The following SUFU variants were observed in gnomAD, a reference collection of about 807,000 sequenced individuals.
SUFU encodes suppressor of fused homolog.
SUFU carries 7 observed loss-of-function variants against 58.9 expected under a neutral mutation model. That is an observed-to-expected ratio of 0.12 (90% CI 0.07 to 0.22). The LOEUF is 0.22. Ranked by LOEUF, SUFU falls within the 10% of genes least tolerant of loss-of-function variation. The pLI is 1.00. For missense variants in SUFU, 451 were observed against 641.3 expected, an observed-to-expected ratio of 0.70 and a Z score of 3.20; for synonymous variants, 232 against 254.8, an observed-to-expected ratio of 0.91 and a Z score of 0.85.
intron 3 of SUFU, among the ~76,000 whole-genome samples, chr10:102,583,753 C>T (rs1045139301): frequency 2.0e-5 from 3 of 151,660 alleles, no homozygotes; most frequent in Non-Finnish European, 4.4e-5. Context: ...ATGTGCACAA[C>T]GTGCAGGTTT....
intron 3 of SUFU, among the ~76,000 whole-genome samples, chr10:102,569,281 A>T (rs1202449754): frequency 2.0e-5 from 3 of 151,996 alleles, no homozygotes; most frequent in Admixed American, 1.3e-4. Context: ...CTGTGTTCTC[A>T]CCTGTAGTCA....
chr10:102,568,890 AAAAAAAAATATATATAT>A (rs2063123006), intron 3 of SUFU, among the ~76,000 whole-genome samples: 1 of 44,206 alleles, frequency 2.3e-5, no homozygotes, highest in Non-Finnish European at 4.0e-5. Context: ...AAAAAAAAAA[AAAAAAAAATATATATAT>A]ATATATATAT....
intron 2 of SUFU, among the ~76,000 whole-genome samples, chr10:102,531,609 G>A (rs1044316742): frequency 1.3e-5 from 2 of 152,182 alleles, no homozygotes; most frequent in Admixed American, 1.3e-4. Context: ...ATGGAGGTTT[G>A]CACAGGGGTA....
At chr10:102,563,602 G>A (rs2063060324) in intron 3 of SUFU, among the ~76,000 whole-genome samples, 2 of 151,962 alleles carry the variant, frequency 1.3e-5, no homozygotes, top group Non-Finnish European at 2.9e-5. Context: ...AGTCCGGGAG[G>A]TTGAGGCTGC....
chr10:102,619,007 G>A lies in SUFU; in HGVS notation c.1296+1579G>A, dbSNP rs1378018029. Reference sequence around the variant, plus strand: ...TGTTCAAGCACGTTTTCCTGGGACAGTCGGGACTGGGGCCTCCCCAAACTG... The same window carrying A: ...TGTTCAAGCACGTTTTCCTGGGACAATCGGGACTGGGGCCTCCCCAAACTG... On this transcript the variant is annotated intron_variant, in intron 10 of 11. Transcript: ENST00000369902. This position sits in a 1 kb window ranked among gnomAD's most constrained non-coding sequence, Gnocchi z 4.2. 18 of 1,544,096 alleles carry A rather than the reference G, an allele frequency of 1.2e-5. No individual in the cohort carries two copies. Among genetic ancestry groups the A allele is most frequent in the Non-Finnish European group, 1.5e-5 (17 of 1,121,758 alleles).
chr10:102,585,623 C>G (rs2063327893), intron 3 of SUFU, among the ~76,000 whole-genome samples: 1 of 152,164 alleles, frequency 6.6e-6, no homozygotes, highest in Non-Finnish European at 1.5e-5. Flanking sequence ...CCTCCCACTT[C>G]AACCTCCCGA....
At position 102,580,029 on chromosome 10, in the gene SUFU, A is replaced by ACCCCC. The variant is rs71474507; in HGVS notation, c.455-12547_455-12543dup. Among the ~76,000 whole-genome samples the ACCCCC allele has an allele frequency of 7.1e-3, 597 of 84,294 alleles. 1 individual carries two copies. Among genetic ancestry groups the ACCCCC allele is most frequent in the Middle Eastern group, 0.017 (2 of 118 alleles). The allele number at this position is 84,294 out of a possible 152,430, so 55.3% of individuals were successfully genotyped here. A position where few individuals can be genotyped will look rare whatever the true frequency, so the allele number is the denominator to read the frequency against. On this transcript the variant is annotated intron_variant, in intron 3 of 11. Transcript: ENST00000369902. The stretch of plus-strand genomic sequence containing the variant: ...ATCTGTTTTGGGTCTCCTCCCCCGC[A>ACCCCC]CCCCCCCCCCGCCCCCAGTTTGTTT...
chr10:102,567,246 C>T (rs546764375), intron 3 of SUFU, among the ~76,000 whole-genome samples: 4 of 151,704 alleles, frequency 2.6e-5, no homozygotes, highest in African/African-American at 7.2e-5. Flanking sequence ...CTCCTGACCT[C>T]GTGATCCGCC....
chr10:102,568,895 A>AAAAAAAAAT (rs2063124823), intron 3 of SUFU, among the ~76,000 whole-genome samples: 1 of 23,854 alleles, frequency 4.2e-5, no homozygotes, highest in African/African-American at 2.4e-4. Flanking sequence ...AAAAAAAAAA[A>AAAAAAAAAT]AAATATATAT....
In SUFU at chr10:102,631,933, C is replaced by T; in HGVS notation, c.*1778C>T. ...TGTCGGCAGCTGTGCCTCTACTGCCCTGAGGACTTACCAGAGGGAGCCCTA... is the reference window on the plus strand; with the variant it reads ...TGTCGGCAGCTGTGCCTCTACTGCCTTGAGGACTTACCAGAGGGAGCCCTA... On this transcript the variant is annotated 3_prime_UTR_variant, in exon 12 of 12. Coordinates refer to ENST00000369902, the MANE Select transcript of SUFU (RefSeq NM_016169.4). 4.3e-6 allele frequency: 1 copy of T among 233,370 alleles called. No homozygotes were observed. The highest frequency in any genetic ancestry group is 8.5e-6 in the Non-Finnish European group (1 of 118,084). 14.5% of individuals were successfully genotyped at this position (233,370 alleles called of 1,614,324 possible).
chr10:102,615,280 C>G lies in SUFU; in HGVS notation c.1035C>G (p.Asp345Glu). Residue 345 changes from aspartate (D) to glutamate (E), a missense_variant, in exon 9 of 12, where the codon GAC becomes GAG. Transcript: ENST00000369902. ...GCTTGCTTCACAGGAGCCGCAAAGA[C>G]AGCCTGGAAAGTGACAGCTCCACGG... ...LAHDRAPSRK[D>E]SLESDSSTAI... The G allele has an allele frequency of 6.2e-7, 1 of 1,614,194 alleles. No homozygotes were observed. The highest frequency in any genetic ancestry group is 8.5e-7 in the Non-Finnish European group (1 of 1,180,040).
At chr10:102,627,541 G>T (rs1204670452) in intron 11 of SUFU, among the ~76,000 whole-genome samples, 1 of 152,252 alleles carries the variant, frequency 6.6e-6, no homozygotes. Flanking sequence ...CCTCATTGAA[G>T]AGGAAGCCAG....
chr10:102,630,557 G>A lies in SUFU; in HGVS notation c.*402G>A. ...AGGCGGACAGCCAGATGCAGAGCGA[G>A]TGGATGCACTTCCCAGCTCATCTCT... On this transcript the variant is annotated 3_prime_UTR_variant, in exon 12 of 12. Transcript: ENST00000369902. 2 of 383,046 alleles carry A rather than the reference G, an allele frequency of 5.2e-6. No individual in the cohort carries two copies. The highest frequency in any genetic ancestry group is 4.2e-5 in the East Asian group (1 of 23,954). 23.7% of individuals were successfully genotyped at this position (383,046 alleles called of 1,614,324 possible). A position where few individuals can be genotyped will look rare whatever the true frequency, so the allele number is the denominator to read the frequency against.
At position 102,613,113 on chromosome 10, in the gene SUFU, C is replaced by T. The variant is rs545947636; in HGVS notation, c.1023-2155C>T. ...AGAGTTGGTCGGAAGTCTGAGGCTT[C>T]GATCAGAAGTCTGACGCACGGTGAG... is the stretch of plus-strand genomic sequence containing the variant. On this transcript the variant is annotated intron_variant, in intron 8 of 11. Transcript: ENST00000369902. Among the ~76,000 whole-genome samples, 281 of 152,222 alleles carry T rather than the reference C, an allele frequency of 1.8e-3. 2 individuals are homozygous for T. Among genetic ancestry groups the T allele is most frequent in the African/African-American group, 6.7e-3 (277 of 41,528 alleles).
chr10:102,570,017 TG>T (rs1302589040), intron 3 of SUFU, among the ~76,000 whole-genome samples: 1 of 152,230 alleles, frequency 6.6e-6, no homozygotes, highest in Non-Finnish European at 1.5e-5. Context: ...TTTGACTTTT[TG>T]TTACTCAGAA....
intron 3 of SUFU, among the ~76,000 whole-genome samples, chr10:102,584,229 C>T (rs897917002): frequency 1.3e-5 from 2 of 152,174 alleles, no homozygotes; most frequent in Admixed American, 6.5e-5. Context: ...TTCCCAACTC[C>T]GAAGTTCACC....
At position 102,632,584 on chromosome 10, in the gene SUFU, A is replaced by G; in HGVS notation, c.*2429A>G. On this transcript the variant is annotated 3_prime_UTR_variant, in exon 12 of 12. Transcript: ENST00000369902. ...GCCAAGCTGACCTTGGACCCTGTCC[A>G]GCACAGCTTCTGGCACAGGATGCTT... 4.3e-6 allele frequency: 1 copy of G among 233,378 alleles called. No individual in the cohort carries two copies. Among genetic ancestry groups the G allele is most frequent in the East Asian group, 6.0e-5 (1 of 16,590 alleles). 14.5% of individuals were successfully genotyped at this position (233,378 alleles called of 1,614,324 possible).
chr10:102,572,967 C>G (rs2063177507), intron 3 of SUFU: 6 of 1,314,554 alleles, frequency 4.6e-6, no homozygotes, highest in Non-Finnish European at 4.3e-6. Context: ...CTATCTTCTT[C>G]ATGGCAGACT....
chr10:102,506,969 C>G lies in SUFU; in HGVS notation c.183-2200C>G, dbSNP rs2062335489. On this transcript the variant is annotated intron_variant, in intron 1 of 11. Coordinates refer to ENST00000369902, the MANE Select transcript of SUFU (RefSeq NM_016169.4). Reference sequence around the variant, plus strand: ...ACCTGTACTCATGGCCCACTTCAGTCCTGCAACTGCCCTGCAGAGAGAAGT... The same window carrying G: ...ACCTGTACTCATGGCCCACTTCAGTGCTGCAACTGCCCTGCAGAGAGAAGT... Among the ~76,000 whole-genome samples the G allele has an allele frequency of 2.0e-5, 3 of 152,186 alleles. No homozygotes were observed. The South Asian group carries it at 6.2e-4, about 31-fold the overall frequency.
Sources: gnomAD v4.1 joint callset for allele counts (sites outside exome capture counted in the v4.1 genomes callset) on GRCh38, gnomAD v4.1.1 for gene constraint, Gnocchi (gnomAD v3.1) non-coding constraint, MANE v1.5 for transcripts, NCBI Gene and HGNC (gene_info 2026-07-23, HGNC 2026-07-21) for gene names.